MAF: variants seen among roughly 807,000 people sequenced by gnomAD.
MAF encodes transcription factor Maf.
In MAF, 10 loss-of-function variants were observed where a neutral mutation model predicts 22.0. That is an observed-to-expected ratio of 0.45 (90% CI 0.28 to 0.77). The LOEUF (loss-of-function observed/expected upper bound fraction) is 0.77, where lower values mean the gene tolerates loss of function less well. MAF is among the 30% of genes least tolerant of loss of function. The pLI is 0.12. For missense variants in MAF, 544 were observed against 548.4 expected, an observed-to-expected ratio of 0.99 and a Z score of 0.08; for synonymous variants, 337 against 255.8, an observed-to-expected ratio of 1.32 and a Z score of -3.03.
At chr16:79,380,800 C>A in the MAF span, among the ~76,000 whole-genome samples, 1 of 152,196 alleles carries the variant, frequency 6.6e-6, no homozygotes, top group African/African-American at 2.4e-5. Context: ...ACACACCCAC[C>A]GGCCATTGAC....
the MAF span, among the ~76,000 whole-genome samples, chr16:79,472,847 G>A: frequency 9.9e-5 from 15 of 151,964 alleles, no homozygotes; most frequent in Admixed American, 8.5e-4. Context: ...ACCCTGCCAT[G>A]GAGAGGGAAC....
At chr16:79,306,917 A>G in the MAF span, among the ~76,000 whole-genome samples, 1 of 152,202 alleles carries the variant, frequency 6.6e-6, no homozygotes, top group South Asian at 2.1e-4. Flanking sequence ...TAAATTGGCT[A>G]TTTTGTGAAA....
At chr16:79,220,769 T>G in the MAF span, among the ~76,000 whole-genome samples, 2 of 152,246 alleles carry the variant, frequency 1.3e-5, no homozygotes, top group Admixed American at 6.5e-5. Context: ...ACTTTTTCTG[T>G]GCTGCCTACA....
chr16:79,384,235 G>A, the MAF span, among the ~76,000 whole-genome samples: 1 of 151,926 alleles, frequency 6.6e-6, no homozygotes, highest in African/African-American at 2.4e-5. Context: ...CCTGAGGTCA[G>A]GAGTTCGAGA....
the MAF span, among the ~76,000 whole-genome samples, chr16:79,576,254 A>C: frequency 6.6e-6 from 1 of 150,474 alleles, no homozygotes; most frequent in African/African-American, 2.4e-5. Flanking sequence ...AAAAAAAAAA[A>C]AAAAAGGACC....
the MAF span, among the ~76,000 whole-genome samples, chr16:79,505,939 G>T: frequency 6.0e-5 from 9 of 150,880 alleles, no homozygotes; most frequent in Non-Finnish European, 1.2e-4. Context: ...AGAAGGAAGA[G>T]GAAGGAAAAG....
the MAF span, among the ~76,000 whole-genome samples, chr16:79,341,255 C>T: frequency 6.6e-6 from 1 of 152,114 alleles, no homozygotes; most frequent in Non-Finnish European, 1.5e-5. Context: ...AGCCAGATGC[C>T]CTGTACCTCA....
chr16:79,443,665 G>A, the MAF span, among the ~76,000 whole-genome samples: 6 of 152,226 alleles, frequency 3.9e-5, no homozygotes, highest in African/African-American at 1.2e-4. Flanking sequence ...TGTGGGCCCC[G>A]TGGAGGGGGA....
chr16:79,598,469 A>C (rs991167033), intron 1 of MAF: 10 of 1,304,578 alleles, frequency 7.7e-6, no homozygotes, highest in African/African-American at 7.5e-5. Flanking sequence ...AAAAAAAAAA[A>C]AACAAGCTAG....
the MAF span, among the ~76,000 whole-genome samples, chr16:79,246,319 A>T: frequency 6.6e-6 from 1 of 152,152 alleles, no homozygotes; most frequent in Non-Finnish European, 1.5e-5. Flanking sequence ...TCTGTTTGAA[A>T]AGAGTTTACC....
chr16:79,385,262 T>C, the MAF span, among the ~76,000 whole-genome samples: 24 of 152,360 alleles, frequency 1.6e-4, no homozygotes, highest in African/African-American at 5.8e-4. Context: ...CTTGCCAATA[T>C]GTATGAATCA....
the MAF span, among the ~76,000 whole-genome samples, chr16:79,493,091 G>C: frequency 6.6e-6 from 1 of 151,832 alleles, no homozygotes; most frequent in East Asian, 1.9e-4. Flanking sequence ...CTGAGTACTT[G>C]GGATTACAGG....
At chr16:79,349,513 A>G in the MAF span, among the ~76,000 whole-genome samples, 2 of 152,144 alleles carry the variant, frequency 1.3e-5, no homozygotes, top group East Asian at 1.9e-4. Context: ...CTTACAACCC[A>G]TTCGGGTTTC....
chr16:79,205,646 C>A, the MAF span: 1 of 152,126 alleles, frequency 6.6e-6, no homozygotes, highest in Non-Finnish European at 1.5e-5. Flanking sequence ...TAAGAATAGC[C>A]TGTGAGTTAG....
chr16:79,436,457 G>A, the MAF span, among the ~76,000 whole-genome samples: 4 of 152,328 alleles, frequency 2.6e-5, no homozygotes, highest in Non-Finnish European at 4.4e-5. Flanking sequence ...AGACATGTGC[G>A]TTAACGCTTC....
chr16:79,472,713 T>C, the MAF span, among the ~76,000 whole-genome samples: 1 of 152,122 alleles, frequency 6.6e-6, no homozygotes, highest in Non-Finnish European at 1.5e-5. Flanking sequence ...GTTGTACAAC[T>C]CTATACATAT....
chr16:79,548,625 C>G, the MAF span, among the ~76,000 whole-genome samples: 2,401 of 152,172 alleles, frequency 0.016, 29 homozygotes, highest in Non-Finnish European at 0.026. Flanking sequence ...TTCTGAAAAC[C>G]CTTGTTTTAT....
the MAF span, among the ~76,000 whole-genome samples, chr16:79,344,790 T>C: frequency 6.6e-6 from 1 of 152,348 alleles, no homozygotes; most frequent in African/African-American, 2.4e-5. Flanking sequence ...TTTTAACACA[T>C]GCTTCCAATA....
rs1913940960 is a variant in MAF at position 79,600,216 on chromosome 16, C to G, written c.-314G>C. The G allele has an allele frequency of 3.4e-6, 1 of 297,284 alleles. No homozygotes were observed. The highest frequency in any genetic ancestry group is 6.3e-6 in the Non-Finnish European group (1 of 158,238). The allele number at this position is 297,284 out of a possible 1,614,324, so 18.4% of individuals were successfully genotyped here. A position where few individuals can be genotyped will look rare whatever the true frequency, so the allele number is the denominator to read the frequency against. On this transcript the variant is annotated 5_prime_UTR_variant, in exon 1 of 2. Transcript: ENST00000326043. ...GCGGCTTCAGGCTCGGGAAGATCCTCCGCGAGCTGCGGTGGCGGCGGTGGT... is the reference window on the plus strand; with the variant it reads ...GCGGCTTCAGGCTCGGGAAGATCCTGCGCGAGCTGCGGTGGCGGCGGTGGT...
Sources: gnomAD v4.1 joint callset for allele counts (sites outside exome capture counted in the v4.1 genomes callset) on GRCh38, gnomAD v4.1.1 for gene constraint, MANE v1.5 for transcripts, NCBI Gene and HGNC (gene_info 2026-07-23, HGNC 2026-07-21) for gene names.